Variants in DPRX observed in about 807,000 individuals in gnomAD.
DPRX encodes divergent-paired related homeobox.
Under a neutral mutation model 8.4 loss-of-function variants are expected in DPRX, and 11 were observed. The ratio of observed to expected loss-of-function variants is 1.31; its 90% CI spans 0.82 to 2.17. The LOEUF (loss-of-function observed/expected upper bound fraction) is 2.17. Among genes scored for constraint, DPRX ranks in the 30% most tolerant of loss-of-function variants. The pLI, the probability that DPRX is intolerant of heterozygous loss-of-function variation, is 0.00. For synonymous variants in DPRX, 72 were observed against 87.0 expected (o/e 0.83, Z 0.96); for missense variants, 211 against 236.7 (o/e 0.89, Z 0.71).
chr19:53,617,733 G>C, the DPRX span, among the ~76,000 whole-genome samples: 1 of 152,102 alleles, frequency 6.6e-6, no homozygotes, highest in Non-Finnish European at 1.5e-5. Flanking sequence ...GCTTGGACTA[G>C]AATTTCTTCT....
chr19:53,626,039 T>G, the DPRX span, among the ~76,000 whole-genome samples: 1 of 152,050 alleles, frequency 6.6e-6, no homozygotes, highest in East Asian at 1.9e-4. Context: ...AAGGCTCAAG[T>G]GGTCCTCCCA....
chr19:53,633,068 G>A (rs2122161912), intron 1 of DPRX, among the ~76,000 whole-genome samples: 1 of 152,230 alleles, frequency 6.6e-6, no homozygotes, highest in African/African-American at 2.4e-5. Flanking sequence ...GGCCGAGGTG[G>A]GCAGATCGCT....
chr19:53,626,527 C>T, the DPRX span, among the ~76,000 whole-genome samples: 1 of 152,122 alleles, frequency 6.6e-6, no homozygotes, highest in Non-Finnish European at 1.5e-5. Flanking sequence ...GCACTCCAGC[C>T]TGGGAGACAG....
At chr19:53,608,582 G>A in the DPRX span, 3 of 152,224 alleles carry the variant, frequency 2.0e-5, no homozygotes, top group Non-Finnish European at 4.4e-5. Flanking sequence ...TGATGAAAAC[G>A]TTTCCCAATT....
At chr19:53,615,392 T>C in the DPRX span, among the ~76,000 whole-genome samples, 2 of 152,102 alleles carry the variant, frequency 1.3e-5, no homozygotes, top group South Asian at 4.1e-4. Flanking sequence ...GTGATTTTCC[T>C]ACCTCAGCCT....
the DPRX span, among the ~76,000 whole-genome samples, chr19:53,621,773 G>C: frequency 6.6e-6 from 1 of 151,920 alleles, no homozygotes; most frequent in Non-Finnish European, 1.5e-5. Context: ...AACAGAGCAA[G>C]ACTCTGTTCC....
chr19:53,608,282 G>GAA, the DPRX span: 1 of 141,516 alleles, frequency 7.1e-6, no homozygotes. Flanking sequence ...GGTGTCGTTG[G>GAA]ACCACCCCAG....
the DPRX span, among the ~76,000 whole-genome samples, chr19:53,604,037 C>T: frequency 2.0e-5 from 3 of 152,036 alleles, no homozygotes; most frequent in South Asian, 2.1e-4. Context: ...TGAGCCACCG[C>T]GCCCCGCCGT....
the DPRX span, among the ~76,000 whole-genome samples, chr19:53,618,850 T>C: frequency 3.4e-3 from 522 of 152,032 alleles, 2 homozygotes; most frequent in Middle Eastern, 6.8e-3. Context: ...ACCCGGCTAA[T>C]TTTGTACTTT....
chr19:53,616,271 AAAAAT>A, the DPRX span, among the ~76,000 whole-genome samples: 1 of 151,736 alleles, frequency 6.6e-6, no homozygotes, highest in African/African-American at 2.4e-5. Flanking sequence ...TAAATAAATA[AAAAAT>A]AAAATAAAAA....
chr19:53,636,717 G>A, exon 3 of DPRX: 1 of 1,614,128 alleles, frequency 6.2e-7, no homozygotes, highest in Non-Finnish European at 8.5e-7. Context: ...GTCGGCCTGA[G>A]AAATGCAGAC....
the DPRX span, among the ~76,000 whole-genome samples, chr19:53,607,499 C>T: frequency 2.6e-5 from 4 of 152,080 alleles, no homozygotes; most frequent in Non-Finnish European, 5.9e-5. Flanking sequence ...GAGCCATGAT[C>T]GTGCTACTGC....
the DPRX span, among the ~76,000 whole-genome samples, chr19:53,608,953 C>CCAAA: frequency 1.3e-5 from 1 of 76,930 alleles, no homozygotes; most frequent in Non-Finnish European, 2.4e-5. Context: ...GAGACTCCGT[C>CCAAA]AAAAAAAAAA....
chr19:53,620,938 C>T, the DPRX span, among the ~76,000 whole-genome samples: 4 of 152,004 alleles, frequency 2.6e-5, no homozygotes, highest in African/African-American at 9.6e-5. Context: ...AGAAAGGACC[C>T]CAGAGCAAAA....
At chr19:53,604,158 C>T in the DPRX span, among the ~76,000 whole-genome samples, 1 of 152,014 alleles carries the variant, frequency 6.6e-6, no homozygotes, top group African/African-American at 2.4e-5. Flanking sequence ...TGAACGCTAC[C>T]GGCCGTGTTA....
At chr19:53,631,509 A>G (rs182169701), upstream of DPRX, among the ~76,000 whole-genome samples, 41 of 152,204 alleles carry the variant, frequency 2.7e-4, no homozygotes, top group African/African-American at 9.1e-4. Flanking sequence ...TATGGAAATC[A>G]TCAGATCCCA....
upstream of DPRX, among the ~76,000 whole-genome samples, chr19:53,630,200 G>A (rs2091087153): frequency 2.7e-5 from 4 of 146,760 alleles, no homozygotes; most frequent in Non-Finnish European, 1.5e-5. Flanking sequence ...GCGACAGAGT[G>A]AGACTCCATC....
the DPRX span, chr19:53,616,715 T>C: frequency 2.7e-6 from 3 of 1,126,434 alleles, no homozygotes; most frequent in East Asian, 5.0e-5. Context: ...GATCGCACCA[T>C]TGCATTCCAG....
upstream of DPRX, among the ~76,000 whole-genome samples, chr19:53,628,006 T>C (rs1272038561): frequency 1.3e-5 from 2 of 152,014 alleles, no homozygotes. Context: ...AACTCCAGCC[T>C]GGGCGACAGA....
Sources: gnomAD v4.1 joint callset for allele counts (sites outside exome capture counted in the v4.1 genomes callset) on GRCh38, gnomAD v4.1.1 for gene constraint, MANE v1.5 for transcripts, NCBI Gene and HGNC (gene_info 2026-07-23, HGNC 2026-07-21) for gene names.